Variants in VWF observed in about 807,000 individuals in gnomAD.
VWF encodes von Willebrand factor.
In VWF, 176 loss-of-function variants were observed where a neutral mutation model predicts 308.6. The observed-to-expected ratio is 0.57, with a 90% confidence interval of 0.50 to 0.65. The LOEUF (loss-of-function observed/expected upper bound fraction) is 0.65, where lower values mean the gene tolerates loss of function less well. Among genes scored for constraint, VWF ranks in the 30% least tolerant of loss-of-function variants. The probability of loss-of-function intolerance (pLI) is 0.00; values close to 1 mark genes in which losing one functional copy is unlikely to be tolerated. For synonymous variants in VWF, 1,385 were observed against 1,443.4 expected, an observed-to-expected ratio of 0.96 and a Z score of 0.92; for missense variants, 3,146 against 3,648.2, an observed-to-expected ratio of 0.86 and a Z score of 3.55.
chr12:6,069,407 T>C (rs531957739), intron 10 of VWF, among the ~76,000 whole-genome samples: 15 of 152,190 alleles, frequency 9.9e-5, no homozygotes, highest in African/African-American at 3.6e-4. Flanking sequence ...CTGATGTCAT[T>C]CTAATCCTCC....
At chr12:6,041,726 C>T (rs908360626) in intron 18 of VWF, among the ~76,000 whole-genome samples, 18 of 152,138 alleles carry the variant, frequency 1.2e-4, no homozygotes, top group African/African-American at 2.7e-4. Context: ...GGATTACAGG[C>T]GTGAGCCACT....
At chr12:5,955,887 G>C (rs1274457094) in intron 47 of VWF, among the ~76,000 whole-genome samples, 1 of 152,138 alleles carries the variant, frequency 6.6e-6, no homozygotes, top group East Asian at 1.9e-4. Flanking sequence ...AAAGATCCTT[G>C]AATTTTAAGA....
Position 6,019,642 on chromosome 12 carries a change from A to G in VWF, c.3776T>C (p.Val1259Ala). The G allele has an allele frequency of 1.2e-6, 2 of 1,613,896 alleles. No homozygotes were observed. The highest frequency in any genetic ancestry group is 8.5e-7 in the Non-Finnish European group (1 of 1,179,838). The change falls in exon 28 of 52, where the codon GTG becomes GCG. Residue 1259 changes from valine (V) to alanine (A), a missense_variant. Physicochemically the swap from Val to Ala is moderately conservative, Grantham distance 64. This residue lies in a region of VWF where 853 missense variants were observed against 1,177.8 expected (regional missense o/e 0.72). Coordinates refer to ENST00000261405, the MANE Select transcript of VWF (RefSeq NM_000552.5). This position sits in a 1 kb window ranked among gnomAD's most constrained non-coding sequence, Gnocchi z 5.8. ...DAPVSPTTLY[V>A]EDISEPPLHD... is the part of the protein sequence containing the mutation. ...CAACGGCGGTTCCGAGATGTCCTCC[A>G]CATACAGAGTGGTGGGGCTCACCGG...
chr12:6,032,190 G>T (rs1281226875), intron 20 of VWF, among the ~76,000 whole-genome samples: 1 of 152,110 alleles, frequency 6.6e-6, no homozygotes, highest in Non-Finnish European at 1.5e-5. Context: ...CTATTATTGT[G>T]ATGTGATGAA....
intron 1 of VWF, among the ~76,000 whole-genome samples, chr12:6,124,135 C>T (rs145425716): frequency 1.3e-5 from 2 of 152,316 alleles, no homozygotes; most frequent in African/African-American, 4.8e-5. Flanking sequence ...CAGGTACATT[C>T]AGCTGCTCCC....
At chr12:5,969,571 C>T (rs1317169369) in intron 44 of VWF, among the ~76,000 whole-genome samples, 180 bp from the exon 45 acceptor site, 1 of 152,216 alleles carries the variant, frequency 6.6e-6, no homozygotes, top group Non-Finnish European at 1.5e-5. Flanking sequence ...CAGTGAGCAC[C>T]ACTCAAACAG....
chr12:6,074,262 A>G (rs1259984526), intron 7 of VWF, among the ~76,000 whole-genome samples: 4 of 152,004 alleles, frequency 2.6e-5, no homozygotes, highest in African/African-American at 7.3e-5. Flanking sequence ...GCCTTCACAG[A>G]TATCACCTAA....
chr12:6,013,903 T>G (rs922565527), intron 31 of VWF, among the ~76,000 whole-genome samples: 2 of 150,698 alleles, frequency 1.3e-5, no homozygotes, highest in African/African-American at 5.0e-5. Flanking sequence ...CATGGAGAGA[T>G]AGACAACAAA....
chr12:6,022,365 G>A (rs975355212), intron 26 of VWF, among the ~76,000 whole-genome samples: 26 of 152,072 alleles, frequency 1.7e-4, no homozygotes, highest in Admixed American at 3.3e-4. Flanking sequence ...CCATAGGATC[G>A]TCACAAACTG....
rs530446720 is a variant in VWF, at chr12:6,066,447, G to T, written c.1157-1174C>A. Among the ~76,000 whole-genome samples the T allele has an allele frequency of 3.1e-4, 47 of 152,360 alleles. 1 individual carries two copies. In the South Asian group the frequency reaches 9.5e-3, roughly 31 times the overall value. On this transcript the variant is annotated intron_variant, in intron 10 of 51. Transcript: ENST00000261405. ...ACACCATTGCCATTTGGTGAAGGAG[G>T]AAGACTTTTCCCACCCAGTCACTCT...
At chr12:5,961,608 C>T (rs1386410364) in intron 47 of VWF, among the ~76,000 whole-genome samples, 3 of 137,556 alleles carry the variant, frequency 2.2e-5, no homozygotes, top group Non-Finnish European at 4.7e-5. Context: ...AAAAAAAACA[C>T]TATTACTACA....
intron 3 of VWF, among the ~76,000 whole-genome samples, chr12:6,113,657 A>G (rs1415408888): frequency 3.9e-5 from 6 of 152,230 alleles, no homozygotes; most frequent in African/African-American, 1.4e-4. Flanking sequence ...AGTGAGGAGT[A>G]TATGGATCTT....
Position 5,991,686 on chromosome 12 carries a change from C to T in VWF, c.6798+133G>A, listed in dbSNP as rs1943744905. On this transcript the variant is annotated intron_variant, in intron 38 of 51. Transcript: ENST00000261405. ...CAAGGCCATTACACAATACTGCCTCCCTATCCCTAATGATCCCCGTAAGAG... is the reference window on the plus strand; with the variant it reads ...CAAGGCCATTACACAATACTGCCTCTCTATCCCTAATGATCCCCGTAAGAG... 15 of 919,166 alleles carry T rather than the reference C, an allele frequency of 1.6e-5. 1 individual carries two copies. Among genetic ancestry groups the T allele is most frequent in the Non-Finnish European group, 2.1e-5 (12 of 575,476 alleles). 56.9% of individuals were successfully genotyped at this position (919,166 alleles called of 1,614,324 possible). A position where few individuals can be genotyped will look rare whatever the true frequency, so the allele number is the denominator to read the frequency against.
rs1467474165 is a variant in VWF, at chr12:6,110,862, T to C, written c.323+4A>G. ...CCTTTCTAACTCAGACATTGTTGGC[T>C]TACCTTTGGTCCCCCTGTGTCACGG... On this transcript the variant is annotated splice_donor_region_variant and intron_variant, in intron 4 of 51. Coordinates refer to ENST00000261405, the MANE Select transcript of VWF (RefSeq NM_000552.5). 1.9e-6 allele frequency: 3 copies of C among 1,613,832 alleles called. No individual in the cohort carries two copies. Among genetic ancestry groups the C allele is most frequent in the Non-Finnish European group, 2.5e-6 (3 of 1,179,860 alleles).
chr12:6,119,830 A>C (rs1053978022), intron 3 of VWF, among the ~76,000 whole-genome samples: 1 of 152,188 alleles, frequency 6.6e-6, no homozygotes, highest in Admixed American at 6.5e-5. Flanking sequence ...TGGGCAACAG[A>C]GCAAGACTCC....
chr12:6,026,095 T>A, intron 22 of VWF, 49 bp from the exon 23 acceptor site: 1 of 1,613,094 alleles, frequency 6.2e-7, no homozygotes, highest in Non-Finnish European at 8.5e-7. Flanking sequence ...AGGAGCATGC[T>A]CTCCGGCTCA....
intron 51 of VWF, among the ~76,000 whole-genome samples, chr12:5,949,439 A>C (rs1943153788): frequency 6.6e-6 from 1 of 152,168 alleles, no homozygotes; most frequent in South Asian, 2.1e-4. Context: ...ATTTTTATGC[A>C]TGTTAATGCA....
intron 34 of VWF, 134 bp downstream of exon 34, chr12:6,011,483 G>A (rs1943992577): frequency 2.8e-6 from 2 of 721,838 alleles, no homozygotes; most frequent in African/African-American, 1.7e-5. Flanking sequence ...GGTGAGTGAA[G>A]GTAGCACTGT....
chr12:6,038,675 G>A (rs1292261685), intron 18 of VWF, among the ~76,000 whole-genome samples: 2 of 152,206 alleles, frequency 1.3e-5, no homozygotes, highest in Non-Finnish European at 2.9e-5. Context: ...TGCAAACCAC[G>A]TGGCTGCTCT....
Sources: gnomAD v4.1 joint callset for allele counts (sites outside exome capture counted in the v4.1 genomes callset) on GRCh38, gnomAD v4.1.1 for gene constraint, gnomAD v4.1.1 regional missense constraint, Gnocchi (gnomAD v3.1) non-coding constraint, MANE v1.5 for transcripts, NCBI Gene and HGNC (gene_info 2026-07-23, HGNC 2026-07-21) for gene names.